Variants in METTL15 observed in about 807,000 individuals in gnomAD.
METTL15 encodes the protein 12S rRNA N(4)-cytidine methyltransferase METTL15.
In METTL15, 34 loss-of-function variants were observed where a neutral mutation model predicts 38.3. The ratio of observed to expected loss-of-function variants is 0.89; its 90% CI spans 0.68 to 1.18. The LOEUF (loss-of-function observed/expected upper bound fraction) is 1.18. Ranked by LOEUF, METTL15 falls within the 50% of genes most tolerant of loss-of-function variation. METTL15 has a pLI of 0.00. For synonymous variants in METTL15, 162 were observed against 170.9 expected (o/e 0.95, Z 0.41); for missense variants, 438 against 498.4 (o/e 0.88, Z 1.15).
At chr11:28,397,305 A>G (rs1367423650) in intron 5 of METTL15, among the ~76,000 whole-genome samples, 1 of 151,848 alleles carries the variant, frequency 6.6e-6, no homozygotes. Flanking sequence ...TGAACAGGCA[A>G]CCTACAGAAT....
chr11:28,108,654 T>C (rs1332675897), intron 1 of METTL15, among the ~76,000 whole-genome samples: 1 of 152,180 alleles, frequency 6.6e-6, no homozygotes, highest in Non-Finnish European at 1.5e-5. Context: ...CTGAATTAAT[T>C]GGAGATCTTT....
chr11:28,139,598 T>C (rs1849627921), intron 3 of METTL15, among the ~76,000 whole-genome samples: 1 of 152,124 alleles, frequency 6.6e-6, no homozygotes, highest in Non-Finnish European at 1.5e-5. Context: ...CCATGGATGC[T>C]AGCATGACCT....
At chr11:28,137,958 T>C (rs1447907534) in intron 3 of METTL15, among the ~76,000 whole-genome samples, 1 of 152,132 alleles carries the variant, frequency 6.6e-6, no homozygotes, top group African/African-American at 2.4e-5. Context: ...AATCTCCTAG[T>C]CAGATCATTG....
intron 5 of METTL15, among the ~76,000 whole-genome samples, chr11:28,412,379 A>G (rs926284150): frequency 6.6e-6 from 1 of 151,660 alleles, no homozygotes; most frequent in African/African-American, 2.4e-5. Flanking sequence ...AATGTTATAT[A>G]TAATATATGA....
At chr11:28,290,776 T>C (rs1856480098) in intron 5 of METTL15, among the ~76,000 whole-genome samples, 2 of 151,558 alleles carry the variant, frequency 1.3e-5, no homozygotes, top group Non-Finnish European at 2.9e-5. Flanking sequence ...GAACTACATA[T>C]ATTTAATGCA....
chr11:28,478,876 C>A (rs891362485), intron 6 of METTL15, among the ~76,000 whole-genome samples: 1 of 151,804 alleles, frequency 6.6e-6, no homozygotes. Context: ...TTGTAAAAAG[C>A]TTAAATTCCA....
intron 3 of METTL15, among the ~76,000 whole-genome samples, chr11:28,144,451 TAGAG>T (rs1849809768): frequency 6.6e-6 from 1 of 152,140 alleles, no homozygotes; most frequent in Non-Finnish European, 1.5e-5. Flanking sequence ...ATAGCTTATA[TAGAG>T]AAATATTAAA....
chr11:28,426,783 G>T (rs1046011880), intron 6 of METTL15, among the ~76,000 whole-genome samples: 1 of 150,694 alleles, frequency 6.6e-6, no homozygotes, highest in African/African-American at 2.4e-5. Flanking sequence ...TAATGGTGTT[G>T]TTTATTTTTT....
In METTL15 at chr11:28,296,751, A is replaced by G; in HGVS notation, c.600-2A>G. 1 of 1,612,760 alleles carries G rather than the reference A, an allele frequency of 6.2e-7. No individual in the cohort carries two copies. Among genetic ancestry groups the G allele is most frequent in the East Asian group, 2.2e-5 (1 of 44,848 alleles). Reference sequence around the variant, plus strand: ...GAACTAATTGGCTCTTCTTGTGCGTAGGTACCCTGACATGCCCACTGCTGC... The same window carrying G: ...GAACTAATTGGCTCTTCTTGTGCGTGGGTACCCTGACATGCCCACTGCTGC... On this transcript the variant is annotated splice_acceptor_variant, in intron 5 of 6. Coordinates refer to ENST00000407364, the MANE Select transcript of METTL15 (RefSeq NM_001113528.2). LOFTEE classifies it high-confidence loss of function.
intron 5 of METTL15, among the ~76,000 whole-genome samples, chr11:28,365,817 T>C (rs1222308389): frequency 6.6e-6 from 1 of 152,164 alleles, no homozygotes; most frequent in Admixed American, 6.6e-5. Context: ...TTTGGGAGGC[T>C]GAGGCGGGCA....
At chr11:28,124,877 C>T (rs746506365) in intron 3 of METTL15, among the ~76,000 whole-genome samples, 3 of 151,868 alleles carry the variant, frequency 2.0e-5, no homozygotes, top group Non-Finnish European at 4.4e-5. Flanking sequence ...ATTTTTCTAC[C>T]GGTATAGAAT....
chr11:28,455,143 A>G (rs1237636602), intron 6 of METTL15, among the ~76,000 whole-genome samples: 1 of 151,222 alleles, frequency 6.6e-6, no homozygotes, highest in Non-Finnish European at 1.5e-5. Flanking sequence ...GTTCTAATTC[A>G]TACAAGAGTA....
chr11:28,498,531 A>G (rs890041718), intron 6 of METTL15, among the ~76,000 whole-genome samples: 1 of 152,184 alleles, frequency 6.6e-6, no homozygotes, highest in African/African-American at 2.4e-5. Flanking sequence ...TATCCAGAAA[A>G]ACTAAGCAAC....
At chr11:28,239,971 C>A (rs775461888) in intron 4 of METTL15, among the ~76,000 whole-genome samples, 3 of 151,968 alleles carry the variant, frequency 2.0e-5, no homozygotes, top group Non-Finnish European at 4.4e-5. Context: ...AGTATTTTTC[C>A]CTTACTGTTA....
Position 28,387,201 on chromosome 11 carries a change from A to G in METTL15, c.*358+25165A>G, listed in dbSNP as rs1850449644. Reference sequence around the variant, plus strand: ...GTTAGCAGAAGAAATGAGCTAATAAATATTAGAGTAGAAATAAATAAAATA... The same window carrying G: ...GTTAGCAGAAGAAATGAGCTAATAAGTATTAGAGTAGAAATAAATAAAATA... On this transcript the variant is annotated intron_variant and NMD_transcript_variant, in intron 5 of 7. Coordinates refer to the METTL15 transcript ENST00000532947. Among the ~76,000 whole-genome samples the G allele has an allele frequency of 2.0e-5, 3 of 151,892 alleles. No homozygotes were observed. The South Asian group carries it at 6.2e-4, about 32-fold the overall frequency.
At chr11:28,428,205 G>A (rs1295378920) in intron 6 of METTL15, among the ~76,000 whole-genome samples, 1 of 152,134 alleles carries the variant, frequency 6.6e-6, no homozygotes, top group East Asian at 1.9e-4. Flanking sequence ...ATATAGTATA[G>A]CCTATTGCTC....
At position 28,371,490 on chromosome 11, in the gene METTL15, G is replaced by C. The variant is rs561516931; in HGVS notation, c.*358+9454G>C. ...GCTCCAGCTTTGTTATTTTTGATCAGTATTGCTTTGGCTATTTGTGCTCTG... is the reference window on the plus strand; with the variant it reads ...GCTCCAGCTTTGTTATTTTTGATCACTATTGCTTTGGCTATTTGTGCTCTG... On this transcript the variant is annotated intron_variant and NMD_transcript_variant, in intron 5 of 7. Transcript: ENST00000532947. Among the ~76,000 whole-genome samples, 29 of 152,022 alleles carry C rather than the reference G, an allele frequency of 1.9e-4. No individual in the cohort carries two copies. The East Asian group carries it at 2.5e-3, about 13-fold the overall frequency.
At chr11:28,245,130 CAAAATGTTAA>C (rs894910245) in intron 4 of METTL15, among the ~76,000 whole-genome samples, 1 of 152,138 alleles carries the variant, frequency 6.6e-6, no homozygotes, top group African/African-American at 2.4e-5. Flanking sequence ...ATCAAAAATG[CAAAATGTTAA>C]AAATTACAGA....
intron 6 of METTL15, among the ~76,000 whole-genome samples, chr11:28,456,329 C>T (rs1057415921): frequency 2.0e-5 from 3 of 152,084 alleles, no homozygotes; most frequent in Non-Finnish European, 4.4e-5. Flanking sequence ...GTTTCTCCTG[C>T]TTGGTCAGAA....
Sources: allele counts gnomAD v4.1 joint callset (sites outside exome capture counted in the v4.1 genomes callset), GRCh38; gene constraint gnomAD v4.1.1; transcripts MANE v1.5; gene names NCBI Gene and HGNC (gene_info 2026-07-23, HGNC 2026-07-21).